Variants in CASK observed in about 807,000 individuals in gnomAD.
CASK encodes peripheral plasma membrane protein CASK.
CASK carries 4 observed loss-of-function variants against 82.9 expected under a neutral mutation model. The ratio of observed to expected loss-of-function variants is 0.05; its 90% confidence interval spans 0.02 to 0.11. The LOEUF (loss-of-function observed/expected upper bound fraction) is 0.11, where lower values mean the gene tolerates loss of function less well. CASK is among the 10% of genes least tolerant of loss of function. CASK has a pLI of 1.00. For synonymous variants in CASK, 259 were observed against 253.5 expected, an observed-to-expected ratio of 1.02 and a Z score of -0.20; for missense variants, 358 against 720.9, an observed-to-expected ratio of 0.50 and a Z score of 5.76.
At chrX:41,550,117 C>T (rs769358453) in intron 21 of CASK, among the ~76,000 whole-genome samples, 8 of 111,493 alleles carry the variant, frequency 7.2e-5, no homozygotes, top group South Asian at 3.8e-4. Context: ...GCTGAGATTG[C>T]GCCACTGCAC....
intron 1 of CASK, among the ~76,000 whole-genome samples, chrX:41,859,643 GTTCC>G (rs1172230608): frequency 8.0e-5 from 9 of 111,809 alleles, no homozygotes; most frequent in African/African-American, 2.9e-4. Flanking sequence ...ACTGTCTAGT[GTTCC>G]TAAGCACAAG....
intron 12 of CASK, among the ~76,000 whole-genome samples, chrX:41,600,131 A>T (rs1189177132): frequency 8.9e-6 from 1 of 112,318 alleles, no homozygotes; most frequent in Non-Finnish European, 1.9e-5. Flanking sequence ...ATGTTACATT[A>T]GGTGTGTCAG....
At chrX:41,611,705 G>A (rs1210223459) in intron 11 of CASK, among the ~76,000 whole-genome samples, 1 of 77,405 alleles carries the variant, frequency 1.3e-5, no homozygotes, top group African/African-American at 5.0e-5. Flanking sequence ...CTCTCCCCAC[G>A]GTCTCCCTCT....
At chrX:41,672,633 A>C (rs751870344) in intron 5 of CASK, among the ~76,000 whole-genome samples, 4 of 112,156 alleles carry the variant, frequency 3.6e-5, no homozygotes, top group Admixed American at 9.4e-5. Context: ...TGATGATGAC[A>C]CACAGGTGGG....
At chrX:41,734,946 T>C (rs1194463955) in intron 5 of CASK, among the ~76,000 whole-genome samples, 1 of 111,798 alleles carries the variant, frequency 8.9e-6, no homozygotes, top group Non-Finnish European at 1.9e-5. Flanking sequence ...TTCCCAAAAA[T>C]AGATTACATG....
chrX:41,878,032 T>A (rs2071864893), intron 1 of CASK, among the ~76,000 whole-genome samples: 1 of 104,187 alleles, frequency 9.6e-6, no homozygotes, highest in Non-Finnish European at 2.0e-5. Context: ...TTTCATGAGG[T>A]GTGAAGATAT....
intron 2 of CASK, among the ~76,000 whole-genome samples, chrX:41,791,714 C>T (rs758632396): frequency 9.5e-6 from 1 of 105,720 alleles, no homozygotes; most frequent in Admixed American, 1.0e-4. Flanking sequence ...CAAAGGGAGA[C>T]TCCATCTCAG....
chrX:41,567,191 G>T (rs756427582), intron 16 of CASK, among the ~76,000 whole-genome samples: 127 of 112,156 alleles, frequency 1.1e-3, no homozygotes, highest in African/African-American at 3.9e-3. Flanking sequence ...AGGACTTCAT[G>T]ACTAAAACAC....
intron 9 of CASK, among the ~76,000 whole-genome samples, chrX:41,627,179 A>G (rs1174311574): frequency 2.7e-5 from 3 of 112,207 alleles, no homozygotes; most frequent in African/African-American, 9.7e-5. Context: ...TTTTCTTTTT[A>G]AAATCTTTTT....
At chrX:41,702,456 G>A (rs1421936950) in intron 5 of CASK, among the ~76,000 whole-genome samples, 1 of 108,974 alleles carries the variant, frequency 9.2e-6, no homozygotes, top group Non-Finnish European at 1.9e-5. Context: ...TGTATTGGGG[G>A]CAAAAATTTC....
chrX:41,588,953 C>T (rs747773359), intron 13 of CASK, among the ~76,000 whole-genome samples: 45 of 111,542 alleles, frequency 4.0e-4, no homozygotes, highest in African/African-American at 1.4e-3. Flanking sequence ...TGGAGAGTGA[C>T]TAGAAAACGA....
At chrX:41,530,566 C>A (rs1177408229) in intron 25 of CASK, among the ~76,000 whole-genome samples, 1 of 111,777 alleles carries the variant, frequency 8.9e-6, no homozygotes, top group Admixed American at 9.5e-5. Context: ...TGTTTCAGAC[C>A]CAGGCCCCAG....
chrX:41,550,703 C>T (rs1257218952), intron 21 of CASK, among the ~76,000 whole-genome samples: 1 of 106,228 alleles, frequency 9.4e-6, no homozygotes, highest in Non-Finnish European at 1.9e-5. Flanking sequence ...TGGAGATCAG[C>T]CTGGGCAACA....
chrX:41,759,284 A>C (rs1261935146), intron 3 of CASK, among the ~76,000 whole-genome samples: 1 of 111,555 alleles, frequency 9.0e-6, no homozygotes, highest in African/African-American at 3.3e-5. Context: ...TTTTCTCAAC[A>C]CTATTTAAAA....
chrX:41,838,890 C>G (rs986569037), intron 2 of CASK, among the ~76,000 whole-genome samples: 50 of 111,632 alleles, frequency 4.5e-4, no homozygotes, highest in African/African-American at 1.5e-3. Flanking sequence ...GCTCCACCAC[C>G]ATTTGTAGAA....
At chrX:41,756,308 C>A (rs1448785561) in intron 3 of CASK, among the ~76,000 whole-genome samples, 3 of 112,069 alleles carry the variant, frequency 2.7e-5, no homozygotes, top group Non-Finnish European at 5.6e-5. Flanking sequence ...GGATACTGGG[C>A]AAACACAGTC....
At chrX:41,623,892 A>G (rs977469990) in intron 10 of CASK, among the ~76,000 whole-genome samples, 31 of 110,512 alleles carry the variant, frequency 2.8e-4, no homozygotes, top group African/African-American at 9.9e-4. Context: ...GACTTCTTAC[A>G]AAGTAGAGGG....
At chrX:41,761,815 A>G (rs1483021095) in intron 3 of CASK, among the ~76,000 whole-genome samples, 1 of 112,294 alleles carries the variant, frequency 8.9e-6, no homozygotes, top group Non-Finnish European at 1.9e-5. Flanking sequence ...CTTTACATAG[A>G]CAAAAGCCAG....
rs1281665281 is a variant in CASK at position 41,708,615 on chromosome X, G to A, written c.429+30769C>T. On this transcript the variant is annotated intron_variant, in intron 5 of 26. Transcript: ENST00000378163. ...ACTTTTTTTCTATCATGTGTAAAGTGGTTTTCAGCTACTAAAAGAAATTTA... is the reference window on the plus strand; with the variant it reads ...ACTTTTTTTCTATCATGTGTAAAGTAGTTTTCAGCTACTAAAAGAAATTTA... Among the ~76,000 whole-genome samples, 3 of 112,168 alleles carry A rather than the reference G, an allele frequency of 2.7e-5. No homozygotes were observed. In the East Asian group the frequency reaches 8.3e-4, roughly 31 times the overall value.
Sources: allele counts gnomAD v4.1 joint callset (sites outside exome capture counted in the v4.1 genomes callset), GRCh38; gene constraint gnomAD v4.1.1; transcripts MANE v1.5; gene names NCBI Gene and HGNC (gene_info 2026-07-23, HGNC 2026-07-21).